The following POU6F2 variants were observed in gnomAD, a reference collection of about 807,000 sequenced individuals.
POU6F2 encodes POU class 6 homeobox 2.
A neutral mutation model predicts 71.3 loss-of-function variants in POU6F2; 31 were observed. The ratio of observed to expected loss-of-function variants is 0.43; its 90% CI spans 0.33 to 0.59. The LOEUF is 0.59. Among genes scored for constraint, POU6F2 ranks in the 20% least tolerant of loss-of-function variants. The pLI is 0.04. For missense variants in POU6F2, 783 were observed against 856.8 expected, an observed-to-expected ratio of 0.91 and a Z score of 1.07; for synonymous variants, 347 against 355.7, an observed-to-expected ratio of 0.98 and a Z score of 0.27.
In POU6F2 at chr7:39,428,914, T is replaced by C. The variant is rs145237899; in HGVS notation, c.1114-4163T>C. Among the ~76,000 whole-genome samples the C allele has an allele frequency of 2.5e-3, 327 of 129,578 alleles. 4 individuals carry two copies. Among genetic ancestry groups the C allele is most frequent in the African/African-American group, 8.9e-3 (297 of 33,532 alleles). The allele number at this position is 129,578 out of a possible 152,430, so 85.0% of individuals were successfully genotyped here. ...CTCGTCATAGGTGGGAATTGAACAA[T>C]GAGAACACTTGCACACAGGGTGGGG... is the stretch of plus-strand genomic sequence containing the variant. On this transcript the variant is annotated intron_variant, in intron 6 of 9. Transcript: ENST00000518318.
chr7:39,082,802 A>ACG (rs1554316726), intron 1 of POU6F2, among the ~76,000 whole-genome samples: 5 of 136,808 alleles, frequency 3.7e-5, no homozygotes, highest in Non-Finnish European at 3.3e-5. Context: ...ATGCACACAC[A>ACG]CACACACACA....
At chr7:39,266,917 T>A (rs1784257427) in intron 4 of POU6F2, among the ~76,000 whole-genome samples, 1 of 152,160 alleles carries the variant, frequency 6.6e-6, no homozygotes, top group Non-Finnish European at 1.5e-5. Context: ...ATAGTCACCC[T>A]ACTGGGCAAT....
chr7:39,207,653 T>C (rs897357269), intron 4 of POU6F2, 33 bp downstream of exon 4: 7 of 1,583,948 alleles, frequency 4.4e-6, no homozygotes, highest in South Asian at 1.1e-5. Context: ...CACGTAAGGC[T>C]CTACCCGTTG....
At chr7:39,342,185 G>A (rs571919737) in intron 5 of POU6F2, among the ~76,000 whole-genome samples, 337 of 67,074 alleles carry the variant, frequency 5.0e-3, no homozygotes, top group African/African-American at 0.019. Flanking sequence ...TTACTGAGAA[G>A]ATGTTAAACA....
At chr7:39,342,397 T>C (rs897195192) in intron 5 of POU6F2, among the ~76,000 whole-genome samples, 6 of 152,238 alleles carry the variant, frequency 3.9e-5, no homozygotes, top group African/African-American at 1.4e-4. Context: ...AAACTAATGA[T>C]CTTTATAAAG....
chr7:39,018,788 C>T (rs1055714412), intron 1 of POU6F2, among the ~76,000 whole-genome samples: 7 of 152,008 alleles, frequency 4.6e-5, no homozygotes, highest in Non-Finnish European at 7.4e-5. Context: ...AGAAATACAA[C>T]GAGTAAAAGT....
intron 2 of POU6F2, among the ~76,000 whole-genome samples, chr7:39,157,963 A>T (rs1018834162): frequency 1.3e-5 from 2 of 152,200 alleles, no homozygotes; most frequent in Admixed American, 1.3e-4. Context: ...GCAGACAAAA[A>T]TTCAGGATGC....
At chr7:39,162,271 C>G (rs1242754208) in intron 2 of POU6F2, among the ~76,000 whole-genome samples, 3 of 152,146 alleles carry the variant, frequency 2.0e-5, no homozygotes, top group Non-Finnish European at 1.5e-5. Flanking sequence ...GGAATATTTA[C>G]AGTAGTTAGG....
chr7:39,201,432 C>T (rs1400096219), intron 2 of POU6F2, among the ~76,000 whole-genome samples: 1 of 152,112 alleles, frequency 6.6e-6, no homozygotes, highest in East Asian at 1.9e-4. Context: ...CACGTGGATG[C>T]CAGTACCTAT....
intron 9 of POU6F2, among the ~76,000 whole-genome samples, chr7:39,463,720 G>A (rs1031267307): frequency 3.3e-5 from 5 of 152,154 alleles, no homozygotes; most frequent in African/African-American, 1.2e-4. Flanking sequence ...GTCAATGGGG[G>A]TAATTTAAAG....
chr7:39,418,122 A>G (rs369917099), intron 6 of POU6F2, among the ~76,000 whole-genome samples: 1 of 152,206 alleles, frequency 6.6e-6, no homozygotes, highest in Non-Finnish European at 1.5e-5. Flanking sequence ...AAACTCAGTT[A>G]TGTCTAATAG....
intron 4 of POU6F2, among the ~76,000 whole-genome samples, chr7:39,247,378 T>G (rs191750534): frequency 1.0e-3 from 153 of 151,940 alleles, no homozygotes; most frequent in African/African-American, 3.4e-3. Context: ...CTAAGCCCAG[T>G]AGGCGGAGGT....
At chr7:38,984,675 T>G in intron 1 of POU6F2, among the ~76,000 whole-genome samples, 1 of 152,156 alleles carries the variant, frequency 6.6e-6, no homozygotes, top group East Asian at 1.9e-4. Context: ...TTTAAATCTT[T>G]AGAGTTTTTA....
At chr7:39,043,658 C>T (rs1415184609) in intron 1 of POU6F2, among the ~76,000 whole-genome samples, 2 of 151,956 alleles carry the variant, frequency 1.3e-5, no homozygotes, top group South Asian at 2.1e-4. Flanking sequence ...ATGTAATGCC[C>T]ACACAGATTC....
intron 4 of POU6F2, among the ~76,000 whole-genome samples, chr7:39,213,864 C>G (rs964796426): frequency 3.9e-5 from 6 of 152,166 alleles, no homozygotes; most frequent in Admixed American, 3.3e-4. Flanking sequence ...CCACTGTTCT[C>G]TTTGGCCCTT....
At chr7:39,400,688 T>C (rs1045380474) in intron 5 of POU6F2, among the ~76,000 whole-genome samples, 7 of 152,206 alleles carry the variant, frequency 4.6e-5, no homozygotes, top group Admixed American at 2.0e-4. Context: ...CCAAAAACCT[T>C]AGGTTACCTT....
chr7:39,407,148 T>C (rs1787452478), intron 6 of POU6F2, among the ~76,000 whole-genome samples: 1 of 152,116 alleles, frequency 6.6e-6, no homozygotes, highest in Non-Finnish European at 1.5e-5. Flanking sequence ...CCTTCCATAA[T>C]TGCTGTGAGA....
chr7:39,306,128 A>G (rs1213895002), intron 4 of POU6F2, among the ~76,000 whole-genome samples: 1 of 152,234 alleles, frequency 6.6e-6, no homozygotes, highest in Non-Finnish European at 1.5e-5. Flanking sequence ...AATAGAAACC[A>G]GGTTCACAAA....
chr7:39,464,174 C>T lies in POU6F2; in HGVS notation c.1659-8C>T. 1 of 1,611,170 alleles carries T rather than the reference C, an allele frequency of 6.2e-7. No homozygotes were observed. Among genetic ancestry groups the T allele is most frequent in the South Asian group, 1.1e-5 (1 of 90,888 alleles). On this transcript the variant is annotated splice_region_variant and splice_polypyrimidine_tract_variant and intron_variant, in intron 9 of 9. Coordinates refer to ENST00000518318, the MANE Select transcript of POU6F2 (RefSeq NM_001370959.1). The surrounding 1 kb of genome is among the most constrained non-coding windows in gnomAD (Gnocchi z 4.1). ...GTAAGACTGTTCTTTCTCAATTTTC[C>T]CCCCCAGACACACCATCCTGAGAAG...
Sources: gnomAD v4.1 joint callset for allele counts (sites outside exome capture counted in the v4.1 genomes callset) on GRCh38, gnomAD v4.1.1 for gene constraint, Gnocchi (gnomAD v3.1) non-coding constraint, MANE v1.5 for transcripts, NCBI Gene and HGNC (gene_info 2026-07-23, HGNC 2026-07-21) for gene names.